The following ABCA10 variants were observed in gnomAD, a reference collection of about 807,000 sequenced individuals.
The protein encoded by ABCA10 is ATP binding cassette subfamily A member 10.
ABCA10 carries 169 observed loss-of-function variants against 187.5 expected under a neutral mutation model. The observed-to-expected ratio is 0.90, with a 90% CI of 0.80 to 1.02. The LOEUF (loss-of-function observed/expected upper bound fraction) is 1.02, where lower values mean the gene tolerates loss of function less well. ABCA10 is among the 50% of genes least tolerant of loss of function. ABCA10 has a pLI of 0.00. For missense variants in ABCA10, 1,727 were observed against 1,812.4 expected, an observed-to-expected ratio of 0.95 and a Z score of 0.86; for synonymous variants, 574 against 601.8, an observed-to-expected ratio of 0.95 and a Z score of 0.68.
intron 9 of ABCA10, among the ~76,000 whole-genome samples, chr17:69,206,780 A>C (rs2074595048): frequency 1.3e-5 from 2 of 152,224 alleles, no homozygotes; most frequent in African/African-American, 4.8e-5. Context: ...AATGGAGTAA[A>C]GACTTAAAAG....
chr17:69,193,747 A>G, intron 13 of ABCA10, 67 bp downstream of exon 13: 1 of 1,577,994 alleles, frequency 6.3e-7, no homozygotes, highest in Non-Finnish European at 8.6e-7. Flanking sequence ...GTAATAGCTG[A>G]ACAAAAAAAA....
chr17:69,161,438 T>C (rs1226787476), intron 27 of ABCA10, among the ~76,000 whole-genome samples: 4 of 152,216 alleles, frequency 2.6e-5, no homozygotes, highest in South Asian at 2.1e-4. Flanking sequence ...AAAAAACTTA[T>C]ATGTGAAAAA....
At chr17:69,191,360 C>T (rs1428087365) in intron 16 of ABCA10, 45 bp from the exon 17 acceptor site, 1 of 1,453,746 alleles carries the variant, frequency 6.9e-7, no homozygotes, top group East Asian at 2.5e-5. Context: ...TCTTTTCCAA[C>T]ACCACCACTC....
Position 69,191,190 on chromosome 17 carries a change from G to A in ABCA10, c.1997C>T (p.Thr666Met), listed in dbSNP as rs774312801. 11 of 1,591,756 alleles carry A rather than the reference G, an allele frequency of 6.9e-6. No homozygotes were observed. The highest frequency in any genetic ancestry group is 1.7e-5 in the Admixed American group (1 of 57,866). The change falls in exon 17 of 39, where the codon ACG becomes ATG. Residue 666 changes from threonine to methionine, a missense_variant. Physicochemically the swap from Thr to Met is moderately conservative, Grantham distance 81. Coordinates refer to ENST00000690296, the MANE Select transcript of ABCA10 (RefSeq NM_001377321.1). ...CAGTAAGTTACCTGGAAATTTGTTC[G>A]TTTTTTCCAAAGGCAAACTATATAC... ...KLVYSLPLEKTNKFPDLYSDL... is the reference protein window; with the variant it reads ...KLVYSLPLEKMNKFPDLYSDL...
intron 1 of ABCA10, among the ~76,000 whole-genome samples, chr17:69,235,456 A>T (rs761864968): frequency 1.3e-5 from 2 of 152,134 alleles, no homozygotes; most frequent in Non-Finnish European, 2.9e-5. Context: ...CTTGAACTCT[A>T]TTACTGCCTC....
upstream of ABCA10, among the ~76,000 whole-genome samples, chr17:69,232,215 A>C (rs1011168161): frequency 3.9e-5 from 6 of 152,034 alleles, no homozygotes; most frequent in African/African-American, 1.4e-4. Flanking sequence ...TTTTGATTGA[A>C]GAATGTATTT....
chr17:69,203,709 C>T (rs1351035772), intron 9 of ABCA10, among the ~76,000 whole-genome samples: 1 of 152,226 alleles, frequency 6.6e-6, no homozygotes, highest in Non-Finnish European at 1.5e-5. Context: ...ACTACTACTT[C>T]AGTCTGTCTC....
At chr17:69,162,913 A>G (rs2144764681) in intron 27 of ABCA10, among the ~76,000 whole-genome samples, 1 of 150,996 alleles carries the variant, frequency 6.6e-6, no homozygotes, top group South Asian at 2.1e-4. Flanking sequence ...ATCTCAGCTC[A>G]CTGCAACCTC....
At chr17:69,214,142 C>T (rs1043608291) in intron 9 of ABCA10, among the ~76,000 whole-genome samples, 4 of 152,094 alleles carry the variant, frequency 2.6e-5, no homozygotes, top group African/African-American at 7.2e-5. Context: ...AAACACATAC[C>T]GACACACATA....
intron 25 of ABCA10, 82 bp from the exon 26 acceptor site, chr17:69,165,165 C>T (rs2074246597): frequency 8.8e-7 from 1 of 1,140,194 alleles, no homozygotes; most frequent in South Asian, 1.6e-5. Flanking sequence ...ACCTGTTTTC[C>T]TGGGAGATAC....
upstream of ABCA10, among the ~76,000 whole-genome samples, chr17:69,231,793 A>G (rs924520599): frequency 6.6e-6 from 1 of 151,936 alleles, no homozygotes; most frequent in East Asian, 1.9e-4. Flanking sequence ...ATCTGGTCTA[A>G]TATGTGGTTT....
chr17:69,193,319 C>T (rs1241783826), intron 14 of ABCA10, 71 bp from the exon 15 acceptor site: 1 of 1,570,942 alleles, frequency 6.4e-7, no homozygotes, highest in Admixed American at 1.9e-5. Flanking sequence ...ACCATGAAAA[C>T]AAGTATGATT....
chr17:69,164,642 T>C (rs879828631), intron 26 of ABCA10, among the ~76,000 whole-genome samples: 2 of 152,154 alleles, frequency 1.3e-5, no homozygotes, highest in Admixed American at 1.3e-4. Context: ...CCTGGCAAGA[T>C]GGATTCACCA....
At chr17:69,244,825 T>C (rs565150838) in exon 1 of ABCA10, 4 of 151,082 alleles carry the variant, frequency 2.6e-5, no homozygotes, top group Admixed American at 1.3e-4. Context: ...TGTGCTCCTA[T>C]AAAACGTTGT....
intron 27 of ABCA10, among the ~76,000 whole-genome samples, chr17:69,157,137 C>T (rs1324340837): frequency 1.3e-5 from 2 of 151,988 alleles, no homozygotes; most frequent in Non-Finnish European, 2.9e-5. Context: ...AATTAAAAAG[C>T]CCACATTAAT....
At chr17:69,177,438 G>T (rs1055829105) in intron 22 of ABCA10, among the ~76,000 whole-genome samples, 2 of 151,996 alleles carry the variant, frequency 1.3e-5, no homozygotes, top group African/African-American at 4.8e-5. Flanking sequence ...ATTAATATAT[G>T]GTAGGAGGAT....
chr17:69,198,412 G>A (rs1263550530), intron 10 of ABCA10, among the ~76,000 whole-genome samples: 2 of 152,126 alleles, frequency 1.3e-5, no homozygotes, highest in African/African-American at 4.8e-5. Context: ...GATTTGGAGA[G>A]CAGAAATGAA....
intron 4 of ABCA10, 26 bp downstream of exon 4, chr17:69,222,507 A>G (rs755462183): frequency 4.7e-6 from 7 of 1,496,932 alleles, no homozygotes; most frequent in Admixed American, 5.2e-5. Flanking sequence ...TCAAAAAAAA[A>G]TTATAATCAG....
chr17:69,243,290 C>T (rs112199354), intron 1 of ABCA10, among the ~76,000 whole-genome samples: 207 of 152,264 alleles, frequency 1.4e-3, no homozygotes, highest in African/African-American at 4.8e-3. Flanking sequence ...CTGGGAAATG[C>T]ATCATTAGGC....
Sources: gnomAD v4.1 joint callset for allele counts (sites outside exome capture counted in the v4.1 genomes callset) on GRCh38, gnomAD v4.1.1 for gene constraint, MANE v1.5 for transcripts, NCBI Gene and HGNC (gene_info 2026-07-23, HGNC 2026-07-21) for gene names.